The following ANO10 variants were observed in gnomAD, a reference collection of about 807,000 sequenced individuals.
ANO10 encodes anoctamin-10.
A neutral mutation model predicts 74.7 loss-of-function variants in ANO10; 77 were observed. The observed-to-expected ratio is 1.03, with a 90% CI of 0.86 to 1.25. The LOEUF is 1.25. Ranked by LOEUF, ANO10 falls within the 50% of genes most tolerant of loss-of-function variation. The pLI is 0.00. For missense variants in ANO10, 721 were observed against 778.1 expected (o/e 0.93, Z 0.87); for synonymous variants, 279 against 284.9 (o/e 0.98, Z 0.21).
chr3:43,538,395 G>A (rs1337762837), intron 11 of ANO10, among the ~76,000 whole-genome samples: 1 of 152,158 alleles, frequency 6.6e-6, no homozygotes, highest in Admixed American at 6.5e-5. Context: ...TCCAAAAGAA[G>A]GGTGAATTTA....
intron 1 of ANO10, among the ~76,000 whole-genome samples, chr3:43,682,861 C>T (rs1463153894): frequency 6.6e-6 from 1 of 152,036 alleles, no homozygotes; most frequent in Admixed American, 6.6e-5. Flanking sequence ...GCAGAAAAGG[C>T]CTTTGACAAA....
chr3:43,630,469 A>G lies in ANO10; in HGVS notation c.-11-24606T>C, dbSNP rs572576010. Reference sequence around the variant, plus strand: ...TTCTGATAAAGTTAAATTCAGAGGGAAAAAAAAGCCTATTAAACAAAAGAG... The same window carrying G: ...TTCTGATAAAGTTAAATTCAGAGGGGAAAAAAAGCCTATTAAACAAAAGAG... On this transcript the variant is annotated intron_variant, in intron 1 of 3. Transcript: ENST00000413397. Among the ~76,000 whole-genome samples the G allele has an allele frequency of 5.1e-4, 78 of 152,028 alleles. No homozygotes were observed. The South Asian group carries it at 8.1e-3, about 16-fold the overall frequency.
At chr3:43,477,200 G>T (rs1328605702) in intron 11 of ANO10, among the ~76,000 whole-genome samples, 1 of 152,102 alleles carries the variant, frequency 6.6e-6, no homozygotes, top group Non-Finnish European at 1.5e-5. Context: ...ATATTGAGAT[G>T]ATATGATGTT....
At chr3:43,368,436 G>A (rs898224054) in intron 12 of ANO10, among the ~76,000 whole-genome samples, 5 of 152,146 alleles carry the variant, frequency 3.3e-5, no homozygotes, top group Admixed American at 6.5e-5. Context: ...ATCCTGCCAG[G>A]GGGATAGAGA....
chr3:43,634,989 T>C (rs1485642005), intron 1 of ANO10, among the ~76,000 whole-genome samples: 2 of 151,856 alleles, frequency 1.3e-5, no homozygotes, highest in Non-Finnish European at 2.9e-5. Flanking sequence ...AGCAGATGTA[T>C]AGAGGCAGGA....
At chr3:43,599,639 C>T (rs1444303310) in intron 3 of ANO10, among the ~76,000 whole-genome samples, 1 of 152,146 alleles carries the variant, frequency 6.6e-6, no homozygotes, top group African/African-American at 2.4e-5. Flanking sequence ...GGCGCGGTGG[C>T]TCATGCCTGT....
Position 43,600,498 on chromosome 3 carries a change from A to C in ANO10, c.223T>G (p.Ser75Ala), listed in dbSNP as rs191413952. 6.2e-7 allele frequency: 1 copy of C among 1,613,868 alleles called. No individual in the cohort carries two copies. Among genetic ancestry groups the C allele is most frequent in the East Asian group, 2.2e-5 (1 of 44,864 alleles). ...ENQNLYLVGA[S>A]KIRMLLGAEA... ...GCCCCTAGTAACATTCTAATCTTGG[A>C]GGCACCAACAAGATATAAGTTCTGA... is the stretch of plus-strand genomic sequence containing the variant. Residue 75 changes from serine to alanine, a missense_variant, in exon 3 of 13, where the codon TCC (serine) becomes GCC (alanine). By Grantham distance (99) the Ser-to-Ala change is moderately conservative (BLOSUM62 1). Transcript: ENST00000292246.
At chr3:43,448,874 T>TTTCTTTCTTTC (rs1491292471) in intron 11 of ANO10, among the ~76,000 whole-genome samples, 1 of 13,462 alleles carries the variant, frequency 7.4e-5, no homozygotes, top group African/African-American at 9.5e-5. Flanking sequence ...TCTTTCTTTC[T>TTTCTTTCTTTC]TTTTTTTTTT....
At chr3:43,690,955 G>A in intron 1 of ANO10, 3 of 1,551,030 alleles carry the variant, frequency 1.9e-6, no homozygotes, top group Non-Finnish European at 2.6e-6. Context: ...CTGTCAGCCG[G>A]CTTCGAGATA....
intron 10 of ANO10, among the ~76,000 whole-genome samples, chr3:43,550,451 G>T (rs1332859517): frequency 3.3e-5 from 5 of 152,098 alleles, no homozygotes; most frequent in African/African-American, 4.8e-5. Flanking sequence ...ATACTGCCAA[G>T]GATGGATGGA....
chr3:43,512,486 G>C (rs527730113), intron 11 of ANO10, among the ~76,000 whole-genome samples: 1 of 152,280 alleles, frequency 6.6e-6, no homozygotes, highest in African/African-American at 2.4e-5. Context: ...GGCACAGAGA[G>C]ACTCAGTAAT....
chr3:43,489,545 G>C (rs1328530000), intron 11 of ANO10, among the ~76,000 whole-genome samples: 2 of 151,948 alleles, frequency 1.3e-5, no homozygotes, highest in African/African-American at 4.8e-5. Flanking sequence ...GGGCCAAGGG[G>C]AAAGCTCTCC....
intron 11 of ANO10, among the ~76,000 whole-genome samples, chr3:43,472,897 A>T (rs570769030): frequency 6.6e-6 from 1 of 152,316 alleles, no homozygotes; most frequent in South Asian, 2.1e-4. Flanking sequence ...TTCATTTTTT[A>T]AAAAGTTGTG....
intron 11 of ANO10, among the ~76,000 whole-genome samples, chr3:43,479,650 G>C (rs1170251713): frequency 1.3e-5 from 2 of 152,174 alleles, no homozygotes; most frequent in African/African-American, 4.8e-5. Context: ...AAGTCAAAGT[G>C]TAATACTGGG....
chr3:43,639,316 A>C (rs1221123212), intron 1 of ANO10, among the ~76,000 whole-genome samples: 1 of 152,362 alleles, frequency 6.6e-6, no homozygotes, highest in East Asian at 1.9e-4. Context: ...CCCAGAGATC[A>C]GATGACTCAG....
At chr3:43,554,047 T>C (rs146695647) in intron 10 of ANO10, among the ~76,000 whole-genome samples, 220 of 152,316 alleles carry the variant, frequency 1.4e-3, no homozygotes, top group Middle Eastern at 6.8e-3. Flanking sequence ...TAATTACTCA[T>C]TGAAACTTTT....
intron 1 of ANO10, among the ~76,000 whole-genome samples, chr3:43,686,354 C>T (rs2084275365): frequency 6.6e-6 from 1 of 152,152 alleles, no homozygotes; most frequent in Non-Finnish European, 1.5e-5. Flanking sequence ...GACATGATCA[C>T]AGCTTACTGC....
intron 3 of ANO10, among the ~76,000 whole-genome samples, chr3:43,598,938 T>G (rs2082213663): frequency 6.6e-6 from 1 of 152,224 alleles, no homozygotes; most frequent in Admixed American, 6.5e-5. Flanking sequence ...TTGATCTCAT[T>G]TAGTACCAAT....
chr3:43,452,696 G>A (rs191045556), intron 11 of ANO10, among the ~76,000 whole-genome samples: 6 of 152,300 alleles, frequency 3.9e-5, no homozygotes, highest in Admixed American at 2.0e-4. Context: ...TATATACCTA[G>A]GAGTGGAACT....
Sources: gnomAD v4.1 joint callset for allele counts (sites outside exome capture counted in the v4.1 genomes callset) on GRCh38, gnomAD v4.1.1 for gene constraint, MANE v1.5 for transcripts, NCBI Gene and HGNC (gene_info 2026-07-23, HGNC 2026-07-21) for gene names.